The following MYH14 variants were observed in gnomAD, a reference collection of about 807,000 sequenced individuals.
MYH14 encodes myosin-14.
A neutral mutation model predicts 255.5 loss-of-function variants in MYH14; 123 were observed. The ratio of observed to expected loss-of-function variants is 0.48; its 90% CI spans 0.42 to 0.56. MYH14 has a LOEUF of 0.56. Ranked by LOEUF, MYH14 falls within the 20% of genes least tolerant of loss-of-function variation. MYH14 has a pLI of 0.00. For missense variants in MYH14, 2,423 were observed against 2,802.3 expected (o/e 0.86, Z 3.06); for synonymous variants, 1,095 against 1,161.2 (o/e 0.94, Z 1.16).
chr19:50,272,620 A>T lies in MYH14; in HGVS notation c.3356A>T (p.Asp1119Val). The T allele has an allele frequency of 6.3e-7, 1 of 1,579,208 alleles. No homozygotes were observed. The highest frequency in any genetic ancestry group is 8.6e-7 in the Non-Finnish European group (1 of 1,163,612). The change falls in exon 27 of 43, where the codon GAT (aspartate) becomes GTT (valine). Residue 1119 changes from aspartate (D) to valine (V), a missense_variant. This residue lies in a region of MYH14 where 1,513 missense variants were observed against 1,674.8 expected (regional missense o/e 0.90). Coordinates refer to ENST00000642316, the MANE Select transcript of MYH14 (RefSeq NM_001145809.2). ...QELEKLKRRL[D>V]GESSELQEQM... Reference sequence around the variant, plus strand: ...CTGGAGAAGCTGAAGCGGAGGCTGGATGGGGAGAGCTCAGAGCTGCAGGAG... The same window carrying T: ...CTGGAGAAGCTGAAGCGGAGGCTGGTTGGGGAGAGCTCAGAGCTGCAGGAG...
chr19:50,300,238 C>T (rs151069287), intron 39 of MYH14, among the ~76,000 whole-genome samples: 5 of 152,170 alleles, frequency 3.3e-5, no homozygotes, highest in Middle Eastern at 3.4e-3. Context: ...GATGCCTGTG[C>T]GGGATGACAC....
Position 50,276,860 on chromosome 19 carries a change from G to A in MYH14, c.3784G>A (p.Ala1262Thr), listed in dbSNP as rs906010252. ...VQELRQRHGQALGELAEQLEQ... is the reference protein window; with the variant it reads ...VQELRQRHGQTLGELAEQLEQ... ...GGAGCTGAGGCAGCGCCACGGCCAG[G>A]CCCTGGGGGAGCTGGCGGAGCAGCT... Residue 1262 changes from alanine to threonine, a missense_variant, in exon 29 of 43, where the codon GCC becomes ACC. Physicochemically the swap from Ala to Thr is moderately conservative, Grantham distance 58. This residue lies in a region of MYH14 where 1,513 missense variants were observed against 1,674.8 expected (regional missense o/e 0.90). Transcript: ENST00000642316. This position sits in a 1 kb window ranked among gnomAD's most constrained non-coding sequence, Gnocchi z 4.3. 3 of 1,598,150 alleles carry A rather than the reference G, an allele frequency of 1.9e-6. No individual in the cohort carries two copies. The highest frequency in any genetic ancestry group is 1.1e-5 in the South Asian group (1 of 90,770).
At chr19:50,240,302 G>A (rs996145294) in intron 10 of MYH14, among the ~76,000 whole-genome samples, 7 of 152,214 alleles carry the variant, frequency 4.6e-5, no homozygotes, top group Admixed American at 1.3e-4. Flanking sequence ...ATGCTACGCC[G>A]GCACGGTGGC....
chr19:50,269,023 T>A (rs1186689894), intron 24 of MYH14, among the ~76,000 whole-genome samples: 1 of 152,226 alleles, frequency 6.6e-6, no homozygotes, highest in African/African-American at 2.4e-5. Context: ...TTATAAAAAC[T>A]AGATTCACAT....
intron 2 of MYH14, among the ~76,000 whole-genome samples, chr19:50,212,814 C>T (rs890320532): frequency 6.6e-6 from 1 of 152,154 alleles, no homozygotes; most frequent in African/African-American, 2.4e-5. Context: ...CCAGTCTGCA[C>T]TGGCCCTTTC....
chr19:50,265,719 G>A (rs901399529), intron 22 of MYH14, among the ~76,000 whole-genome samples: 2 of 151,934 alleles, frequency 1.3e-5, no homozygotes, highest in Non-Finnish European at 2.9e-5. Flanking sequence ...TACTCAGGAG[G>A]CTGAGGCAGG....
chr19:50,218,701 C>T (rs1485202667), intron 3 of MYH14, among the ~76,000 whole-genome samples: 2 of 151,952 alleles, frequency 1.3e-5, no homozygotes, highest in Non-Finnish European at 2.9e-5. Context: ...GATTTTGGTG[C>T]ACTTGCCATC....
At chr19:50,270,851 C>G (rs1358524613) in intron 24 of MYH14, among the ~76,000 whole-genome samples, 1 of 151,880 alleles carries the variant, frequency 6.6e-6, no homozygotes, top group South Asian at 2.1e-4. Flanking sequence ...CCCGCCACCA[C>G]GCCCGGCTAA....
chr19:50,302,399 T>G (rs2081044843), intron 40 of MYH14, among the ~76,000 whole-genome samples: 1 of 150,098 alleles, frequency 6.7e-6, no homozygotes, highest in South Asian at 2.1e-4. Flanking sequence ...CTAGCCAACA[T>G]GGTGAAACCC....
At chr19:50,225,752 G>A in intron 7 of MYH14, 75 bp downstream of exon 7, 1 of 1,136,620 alleles carries the variant, frequency 8.8e-7, no homozygotes, top group Non-Finnish European at 1.3e-6. Context: ...GGCTTCAGGG[G>A]GAAAGACACG....
chr19:50,232,588 T>C (rs1416688443), intron 10 of MYH14, among the ~76,000 whole-genome samples: 3 of 108,080 alleles, frequency 2.8e-5, no homozygotes, highest in Non-Finnish European at 3.6e-5. Context: ...AGCGAGACTC[T>C]GTCTCAAAAA....
rs2123156078 is a variant in MYH14, at chr19:50,210,500, C to G, written c.135C>G (p.Ser45=). 1.3e-6 allele frequency: 2 copies of G among 1,563,720 alleles called. No individual in the cohort carries two copies. The highest frequency in any genetic ancestry group is 3.8e-5 in the Admixed American group (2 of 52,694). Residue 45 remains serine (S), a synonymous_variant, in exon 2 of 43, where the codon TCC becomes TCG. Coordinates refer to ENST00000642316, the MANE Select transcript of MYH14 (RefSeq NM_001145809.2). ...SAGGGPGSGT[S]PQVEWTARRL... is the part of the protein sequence containing the mutation. ...GTGGCGGGCCTGGCTCGGGCACCTC[C>G]CCGCAGGTGGAGTGGACGGCCCGGC...
intron 41 of MYH14, among the ~76,000 whole-genome samples, chr19:50,307,422 A>T (rs2036690181): frequency 6.6e-6 from 1 of 152,200 alleles, no homozygotes; most frequent in South Asian, 2.1e-4. Flanking sequence ...GTTAAACCCT[A>T]CCCAGAAGCT....
chr19:50,249,285 C>A (rs945823432), intron 13 of MYH14, 146 bp downstream of exon 13: 99 of 979,680 alleles, frequency 1.0e-4, no homozygotes, highest in Non-Finnish European at 1.4e-4. Flanking sequence ...TGGTCTCTGT[C>A]CCCCTCTCTC....
Position 50,246,993 on chromosome 19 carries a change from C to G in MYH14, c.1211-11C>G, listed in dbSNP as rs745897684. 1.1e-5 allele frequency: 17 copies of G among 1,596,296 alleles called. No individual in the cohort carries two copies. Among genetic ancestry groups the G allele is most frequent in the Non-Finnish European group, 1.5e-5 (17 of 1,168,124 alleles). On this transcript the variant is annotated splice_polypyrimidine_tract_variant and intron_variant, in intron 11 of 42. Coordinates refer to ENST00000642316, the MANE Select transcript of MYH14 (RefSeq NM_001145809.2). ...CAGTGCTGATGGAATCTTGGTGCCT[C>G]TCGCCCTCAGCTGCACAGAAGCTCT...
At chr19:50,225,279 G>A (rs1425986480) in intron 6 of MYH14, among the ~76,000 whole-genome samples, 6 of 152,132 alleles carry the variant, frequency 3.9e-5, no homozygotes, top group East Asian at 1.9e-4. Context: ...GTTTTGTGGC[G>A]TTTCTTCCTT....
intron 1 of MYH14, among the ~76,000 whole-genome samples, chr19:50,209,715 C>T (rs1270654978): frequency 1.4e-5 from 2 of 147,516 alleles, no homozygotes; most frequent in Non-Finnish European, 3.0e-5. Context: ...ACCCAGGAGG[C>T]GGAGCTTGCA....
intron 22 of MYH14, among the ~76,000 whole-genome samples, chr19:50,264,147 T>C (rs1167666236): frequency 6.9e-6 from 1 of 145,790 alleles, no homozygotes; most frequent in African/African-American, 2.5e-5. Flanking sequence ...CTACAGCTGC[T>C]CTCTCCCAGT....
At chr19:50,248,601 A>C (rs1224425847) in intron 12 of MYH14, among the ~76,000 whole-genome samples, 1 of 152,194 alleles carries the variant, frequency 6.6e-6, no homozygotes, top group Non-Finnish European at 1.5e-5. Flanking sequence ...CCCATTTTAC[A>C]GAGGAGAAAA....
Sources: allele counts gnomAD v4.1 joint callset (sites outside exome capture counted in the v4.1 genomes callset), GRCh38; gene constraint gnomAD v4.1.1; regional missense constraint gnomAD v4.1.1; non-coding constraint Gnocchi (gnomAD v3.1); transcripts MANE v1.5; gene names NCBI Gene and HGNC (gene_info 2026-07-23, HGNC 2026-07-21).